DOCK1: variants seen among roughly 807,000 people sequenced by gnomAD.
The protein encoded by DOCK1 is dedicator of cytokinesis protein 1.
DOCK1 carries 138 observed loss-of-function variants against 262.7 expected under a neutral mutation model. The observed-to-expected ratio is 0.53, with a 90% confidence interval of 0.46 to 0.61. The LOEUF is 0.61. Ranked by LOEUF, DOCK1 falls within the 20% of genes least tolerant of loss-of-function variation. DOCK1 has a pLI of 0.00. For missense variants in DOCK1, 1,908 were observed against 2,370.7 expected, an observed-to-expected ratio of 0.80 and a Z score of 4.05; for synonymous variants, 866 against 867.4, an observed-to-expected ratio of 1.00 and a Z score of 0.03.
intron 27 of DOCK1, among the ~76,000 whole-genome samples, chr10:127,183,647 C>T (rs1015478076): frequency 6.6e-6 from 1 of 152,120 alleles, no homozygotes; most frequent in Non-Finnish European, 1.5e-5. Context: ...CAGTTCATGG[C>T]CTAGTCTGAA....
intron 31 of DOCK1, among the ~76,000 whole-genome samples, chr10:127,349,174 G>T (rs1194753366): frequency 2.0e-5 from 3 of 151,616 alleles, no homozygotes; most frequent in Non-Finnish European, 4.4e-5. Context: ...CTTCCTTTAG[G>T]TCCATCTCAG....
intron 25 of DOCK1, among the ~76,000 whole-genome samples, chr10:127,115,795 T>C (rs1167540011): frequency 6.6e-6 from 1 of 152,212 alleles, no homozygotes; most frequent in Admixed American, 6.5e-5. Context: ...TCCTGGAACA[T>C]GTTCTCTCAC....
intron 18 of DOCK1, among the ~76,000 whole-genome samples, chr10:127,033,087 A>G (rs1018707559): frequency 6.6e-6 from 1 of 152,146 alleles, no homozygotes; most frequent in Non-Finnish European, 1.5e-5. Context: ...GCCTGCCTCA[A>G]AGGGCTTAGT....
At chr10:127,335,074 C>T (rs959148561) in intron 29 of DOCK1, among the ~76,000 whole-genome samples, 14 of 152,186 alleles carry the variant, frequency 9.2e-5, no homozygotes, top group African/African-American at 3.4e-4. Flanking sequence ...TTCATTCATT[C>T]ACTTACTCTT....
chr10:127,422,440 C>T (rs921605748), intron 46 of DOCK1, among the ~76,000 whole-genome samples: 5 of 152,114 alleles, frequency 3.3e-5, no homozygotes, highest in African/African-American at 1.2e-4. Flanking sequence ...GCTGGGATTA[C>T]AGGTGTGAGC....
intron 38 of DOCK1, among the ~76,000 whole-genome samples, chr10:127,389,055 C>T (rs2134173674): frequency 6.6e-6 from 1 of 152,324 alleles, no homozygotes; most frequent in East Asian, 1.9e-4. Context: ...ATCCTCGTTT[C>T]TCTGTCGTGG....
intron 21 of DOCK1, among the ~76,000 whole-genome samples, chr10:127,045,908 G>T (rs2135677407): frequency 6.6e-6 from 1 of 152,306 alleles, no homozygotes; most frequent in South Asian, 2.1e-4. Context: ...TTTTGTGCAG[G>T]TATAAGATGG....
At chr10:127,369,903 T>C (rs1052241893) in intron 33 of DOCK1, among the ~76,000 whole-genome samples, 1 of 152,240 alleles carries the variant, frequency 6.6e-6, no homozygotes, top group Admixed American at 6.5e-5. Flanking sequence ...GGCTGAGTGA[T>C]GGATCGGGAG....
chr10:126,995,241 C>T lies in DOCK1; in HGVS notation c.474-1507C>T, dbSNP rs535091459. 8.5e-4 allele frequency among the ~76,000 whole-genome samples: 129 copies of T among 152,186 alleles called. No homozygotes were observed. The highest frequency in any genetic ancestry group is 1.2e-3 in the Non-Finnish European group (83 of 67,988). The stretch of plus-strand genomic sequence containing the variant: ...GCTCCTCACTTCCCAGACGGGGTGG[C>T]GGCCGGGCAGAGGCTGCAATCTCGG... On this transcript the variant is annotated intron_variant, in intron 6 of 51. Transcript: ENST00000623213. The surrounding 1 kb of genome is among the most constrained non-coding windows in gnomAD (Gnocchi z 5.8).
At chr10:127,004,443 C>T (rs1001466315) in intron 10 of DOCK1, among the ~76,000 whole-genome samples, 12 of 151,874 alleles carry the variant, frequency 7.9e-5, no homozygotes, top group South Asian at 2.1e-4. Flanking sequence ...AAAAATCTTG[C>T]GAGCTATCAA....
At position 127,410,819 on chromosome 10, in the gene DOCK1, G is replaced by T. The variant is rs560195440; in HGVS notation, c.4344-21G>T. 3.7e-5 allele frequency: 59 copies of T among 1,610,442 alleles called. 1 individual carries two copies. In the South Asian group the frequency reaches 4.8e-4, roughly 13 times the overall value. On this transcript the variant is annotated intron_variant, in intron 42 of 51. Transcript: ENST00000623213. ...CTATTTGCCGGGTTAAATATCTAAT[G>T]ATCTGTCTGTCTCTGTACAGTTTTT... is the stretch of plus-strand genomic sequence containing the variant.
rs767797366 is a variant in DOCK1 at position 127,343,646 on chromosome 10, C to T, written c.3124C>T (p.Leu1042=). ...GCATCTCCTCCTTTTTGGTTTTCAG[C>T]TGTGGAACAACTACTTTCACCTGGC... is the stretch of plus-strand genomic sequence containing the variant. ...FLDQANFELQ[L]WNNYFHLAVA... is the part of the protein sequence containing the mutation. Residue 1042 remains leucine (L), a splice_region_variant and synonymous_variant, in exon 31 of 52, where the codon CTG becomes TTG. Transcript: ENST00000623213. The T allele has an allele frequency of 2.5e-6, 4 of 1,606,062 alleles. No homozygotes were observed. Among genetic ancestry groups the T allele is most frequent in the Non-Finnish European group, 3.4e-6 (4 of 1,176,436 alleles).
chr10:127,034,398 A>G lies in DOCK1; in HGVS notation c.1912+2078A>G, dbSNP rs143476057. Among the ~76,000 whole-genome samples, 1,094 of 152,284 alleles carry G rather than the reference A, an allele frequency of 7.2e-3. 9 individuals are homozygous for G. Among genetic ancestry groups the G allele is most frequent in the Admixed American group, 0.014 (212 of 15,302 alleles). On this transcript the variant is annotated intron_variant, in intron 18 of 51. Coordinates refer to ENST00000623213, the MANE Select transcript of DOCK1 (RefSeq NM_001290223.2). ...CACTCTCATGAGAACAGCACAGGAA[A>G]GACCTGCCCCCATGATTCAATTACC...
chr10:127,042,918 G>A, intron 20 of DOCK1, 146 bp from the exon 21 acceptor site: 3 of 808,380 alleles, frequency 3.7e-6, no homozygotes, highest in Non-Finnish European at 5.8e-6. Context: ...TCATTTCTAG[G>A]GTAAGAAAAG....
At chr10:127,433,616 G>C (rs983239427) in intron 48 of DOCK1, among the ~76,000 whole-genome samples, 188 bp downstream of exon 48, 4 of 152,062 alleles carry the variant, frequency 2.6e-5, no homozygotes, top group African/African-American at 9.7e-5. Flanking sequence ...GGTCGTGTGA[G>C]TTGTTGAGAA....
chr10:127,277,968 C>T (rs2060804109), intron 29 of DOCK1, among the ~76,000 whole-genome samples: 1 of 152,092 alleles, frequency 6.6e-6, no homozygotes, highest in South Asian at 2.1e-4. Context: ...TTCATTAAAA[C>T]AGTTATAATA....
chr10:127,174,334 G>A (rs1051353160), intron 27 of DOCK1, among the ~76,000 whole-genome samples: 5 of 152,144 alleles, frequency 3.3e-5, no homozygotes, highest in Non-Finnish European at 7.4e-5. Flanking sequence ...CAATCCAGGC[G>A]AAGTCCGATA....
At chr10:127,211,772 C>T (rs998005125) in intron 27 of DOCK1, among the ~76,000 whole-genome samples, 1 of 152,134 alleles carries the variant, frequency 6.6e-6, no homozygotes, top group Non-Finnish European at 1.5e-5. Flanking sequence ...CCAGGCCACC[C>T]CCAGGATGGG....
intron 1 of DOCK1, among the ~76,000 whole-genome samples, chr10:126,946,415 C>T (rs1054100814): frequency 2.4e-4 from 36 of 152,182 alleles, no homozygotes; most frequent in African/African-American, 4.8e-4. Context: ...GATGTGGTGG[C>T]GGGCACCTGT....
Sources: allele counts gnomAD v4.1 joint callset (sites outside exome capture counted in the v4.1 genomes callset), GRCh38; gene constraint gnomAD v4.1.1; non-coding constraint Gnocchi (gnomAD v3.1); transcripts MANE v1.5; gene names NCBI Gene and HGNC (gene_info 2026-07-23, HGNC 2026-07-21).